Variants in RSPO2 observed in about 807,000 individuals in gnomAD.
RSPO2 encodes R-spondin 2.
In RSPO2, 14 loss-of-function variants were observed where a neutral mutation model predicts 30.9. The ratio of observed to expected loss-of-function variants is 0.45; its 90% confidence interval spans 0.30 to 0.71. The LOEUF is 0.71. Among genes scored for constraint, RSPO2 ranks in the 30% least tolerant of loss-of-function variants. The pLI, the probability that RSPO2 is intolerant of heterozygous loss-of-function variation, is 0.08. For missense variants in RSPO2, 264 were observed against 301.9 expected (o/e 0.87, Z 0.93); for synonymous variants, 107 against 96.4 (o/e 1.11, Z -0.64).
intron 5 of RSPO2, among the ~76,000 whole-genome samples, chr8:107,945,068 T>C (rs1226811384): frequency 1.3e-5 from 2 of 152,072 alleles, no homozygotes; most frequent in African/African-American, 2.4e-5. Flanking sequence ...AGGAATTAAA[T>C]TTCCAAAGGA....
At chr8:107,977,668 G>A (rs1429521448) in intron 3 of RSPO2, among the ~76,000 whole-genome samples, 1 of 152,086 alleles carries the variant, frequency 6.6e-6, no homozygotes, top group Non-Finnish European at 1.5e-5. Flanking sequence ...GGTCCTGTTT[G>A]CCATTCACTG....
chr8:107,986,996 G>A (rs1385001937), intron 3 of RSPO2, among the ~76,000 whole-genome samples: 2 of 152,118 alleles, frequency 1.3e-5, no homozygotes, highest in Non-Finnish European at 2.9e-5. Flanking sequence ...TACAACTGGT[G>A]GGGAGTTGTT....
intron 2 of RSPO2, among the ~76,000 whole-genome samples, chr8:107,996,404 C>G (rs1815027124): frequency 6.6e-6 from 1 of 152,048 alleles, no homozygotes. Context: ...CAGAAGTAGC[C>G]CCACACTACA....
intron 2 of RSPO2, among the ~76,000 whole-genome samples, chr8:108,067,744 T>C (rs1177200496): frequency 6.6e-6 from 1 of 152,222 alleles, no homozygotes; most frequent in African/African-American, 2.4e-5. Context: ...ATTTCACTAA[T>C]GCTCCATAAA....
At chr8:108,032,545 T>C (rs1042076172) in intron 2 of RSPO2, among the ~76,000 whole-genome samples, 1 of 152,184 alleles carries the variant, frequency 6.6e-6, no homozygotes, top group African/African-American at 2.4e-5. Flanking sequence ...ACTTCAAAAT[T>C]AAGATATTAA....
intron 5 of RSPO2, among the ~76,000 whole-genome samples, chr8:107,904,290 T>A (rs376517900): frequency 6.6e-6 from 1 of 151,502 alleles, no homozygotes; most frequent in East Asian, 1.9e-4. Context: ...ATAATTCAAG[T>A]CATGAATTTA....
intron 2 of RSPO2, among the ~76,000 whole-genome samples, chr8:108,076,319 C>A (rs762459265): frequency 5.3e-5 from 8 of 152,022 alleles, no homozygotes; most frequent in African/African-American, 7.3e-5. Flanking sequence ...AATATGGAGG[C>A]CTGGGAGGTT....
chr8:107,954,833 T>A (rs1340773338), intron 5 of RSPO2, among the ~76,000 whole-genome samples: 1 of 152,060 alleles, frequency 6.6e-6, no homozygotes, highest in Non-Finnish European at 1.5e-5. Flanking sequence ...ATGGTCTCGA[T>A]TTATTGACCT....
intron 5 of RSPO2, among the ~76,000 whole-genome samples, chr8:107,928,634 A>C (rs921565664): frequency 1.3e-5 from 2 of 151,776 alleles, no homozygotes; most frequent in African/African-American, 4.9e-5. Flanking sequence ...GGAGAGCAAT[A>C]TAACAGACAA....
chr8:107,978,723 C>T (rs1417317898), intron 3 of RSPO2, among the ~76,000 whole-genome samples: 4 of 152,026 alleles, frequency 2.6e-5, no homozygotes, highest in East Asian at 1.9e-4. Flanking sequence ...CAAAAGAAAC[C>T]ACCATCAGAG....
chr8:108,057,845 A>C (rs185676355), intron 2 of RSPO2, among the ~76,000 whole-genome samples: 1 of 152,124 alleles, frequency 6.6e-6, no homozygotes, highest in African/African-American at 2.4e-5. Context: ...AGTTTTGCTG[A>C]AGTTGCTTAT....
chr8:108,067,285 C>T (rs1287380506), intron 2 of RSPO2, among the ~76,000 whole-genome samples: 2 of 151,918 alleles, frequency 1.3e-5, no homozygotes, highest in South Asian at 2.1e-4. Context: ...CATTACATAC[C>T]GATTATTAAG....
At chr8:107,992,263 A>G (rs1158509589) in intron 2 of RSPO2, among the ~76,000 whole-genome samples, 1 of 152,036 alleles carries the variant, frequency 6.6e-6, no homozygotes, top group Non-Finnish European at 1.5e-5. Context: ...AGGGACATGG[A>G]TGGAGCTGGA....
In RSPO2 at chr8:108,037,568, C is replaced by A. The variant is rs532152999; in HGVS notation, c.94+44977G>T. 2.0e-4 allele frequency among the ~76,000 whole-genome samples: 30 copies of A among 152,282 alleles called. No homozygotes were observed. The South Asian group carries it at 6.2e-3, about 32-fold the overall frequency. ...AAATGAAGGTGGCTACACTAAAAAA[C>A]AGATTTTTAAATGTAGATTAAAAAG... is the stretch of plus-strand genomic sequence containing the variant. On this transcript the variant is annotated intron_variant, in intron 2 of 5. Transcript: ENST00000276659.
intron 2 of RSPO2, among the ~76,000 whole-genome samples, chr8:108,057,083 AAAAAAAAAAG>A: frequency 7.9e-6 from 1 of 127,088 alleles, no homozygotes; most frequent in African/African-American, 3.0e-5. Flanking sequence ...AAAAAAAAAA[AAAAAAAAAAG>A]ACGTATAAAA....
chr8:108,006,913 C>T (rs185145739), intron 2 of RSPO2, among the ~76,000 whole-genome samples: 82 of 152,272 alleles, frequency 5.4e-4, no homozygotes, highest in African/African-American at 8.7e-4. Flanking sequence ...TTTTGGTGAA[C>T]TGTTTGAAAG....
intron 2 of RSPO2, among the ~76,000 whole-genome samples, chr8:108,027,530 C>T (rs1296954523): frequency 6.6e-6 from 1 of 151,930 alleles, no homozygotes. Flanking sequence ...TCTTTATTAC[C>T]AAAGCATTTT....
At chr8:108,063,403 C>A (rs1467437036) in intron 2 of RSPO2, among the ~76,000 whole-genome samples, 3 of 151,678 alleles carry the variant, frequency 2.0e-5, no homozygotes, top group Non-Finnish European at 4.4e-5. Context: ...AAAAAGAGAG[C>A]CAAATCATGA....
intron 3 of RSPO2, among the ~76,000 whole-genome samples, chr8:107,985,035 T>C (rs1814577276): frequency 6.6e-6 from 1 of 152,024 alleles, no homozygotes; most frequent in East Asian, 1.9e-4. Context: ...GTTGTGCAAA[T>C]AGAAAAAAGG....
Sources: gnomAD v4.1 joint callset for allele counts (sites outside exome capture counted in the v4.1 genomes callset) on GRCh38, gnomAD v4.1.1 for gene constraint, MANE v1.5 for transcripts, NCBI Gene and HGNC (gene_info 2026-07-23, HGNC 2026-07-21) for gene names.